The following FBXO25 variants were observed in gnomAD, a reference collection of about 807,000 sequenced individuals.
The protein encoded by FBXO25 is F-box protein 25, also known as F-box only protein 25.
Under a neutral mutation model 51.9 loss-of-function variants are expected in FBXO25, and 45 were observed. The ratio of observed to expected loss-of-function variants is 0.87; its 90% CI spans 0.68 to 1.11. The LOEUF (loss-of-function observed/expected upper bound fraction) is 1.11. FBXO25 is among the 50% of genes most tolerant of loss of function. The probability of loss-of-function intolerance (pLI) is 0.00; values close to 1 mark genes in which losing one functional copy is unlikely to be tolerated. For synonymous variants in FBXO25, 199 were observed against 151.0 expected (o/e 1.32, Z -2.33); for missense variants, 507 against 428.5 (o/e 1.18, Z -1.62).
At chr8:455,908 G>C (rs1488693695) in intron 7 of FBXO25, among the ~76,000 whole-genome samples, 1 of 152,214 alleles carries the variant, frequency 6.6e-6, no homozygotes, top group Non-Finnish European at 1.5e-5. Flanking sequence ...ACACCCTCTT[G>C]TTATAGCCAT....
At chr8:466,436 T>C (rs1363325846) in intron 9 of FBXO25, among the ~76,000 whole-genome samples, 1 of 152,238 alleles carries the variant, frequency 6.6e-6, no homozygotes, top group Non-Finnish European at 1.5e-5. Context: ...TAGCTGGTGC[T>C]CAGAAAATGG....
chr8:432,957 T>G, intron 4 of FBXO25, 22 bp downstream of exon 4: 5 of 1,535,144 alleles, frequency 3.3e-6, no homozygotes, highest in Non-Finnish European at 4.4e-6. Flanking sequence ...ATTATAAATA[T>G]GAGAGTATCT....
chr8:422,964 G>C (rs1797243548), intron 2 of FBXO25, among the ~76,000 whole-genome samples: 1 of 151,508 alleles, frequency 6.6e-6, no homozygotes, highest in African/African-American at 2.4e-5. Context: ...TGCCTCAGGA[G>C]AGAGAAGAGA....
rs913671081 is a variant in FBXO25 at position 463,025 on chromosome 8, C to T, written c.862C>T (p.Leu288Phe). 6 of 1,610,642 alleles carry T rather than the reference C, an allele frequency of 3.7e-6. No homozygotes were observed. The African/African-American group carries it at 8.0e-5, about 22-fold the overall frequency. Residue 288 changes from leucine to phenylalanine, a missense_variant, in exon 9 of 10, where the codon CTT (leucine) becomes TTT (phenylalanine). By Grantham distance (22) the Leu-to-Phe change is conservative. Coordinates refer to ENST00000350302, the MANE Select transcript of FBXO25 (RefSeq NM_183420.2). Reference sequence around the variant, plus strand: ...TGTTTAGTTTTGTAGACATTTGATCCTTTCAGAAAAAGGTCATATTGAATG... The same window carrying T: ...TGTTTAGTTTTGTAGACATTTGATCTTTTCAGAAAAAGGTCATATTGAATG... ...AEKQFCRHLI[L>F]SEKGHIEWKL...
chr8:463,108 C>G lies in FBXO25; in HGVS notation c.945C>G (p.Asp315Glu). 1.2e-6 allele frequency: 2 copies of G among 1,613,846 alleles called. No homozygotes were observed. Among genetic ancestry groups the G allele is most frequent in the Non-Finnish European group, 1.7e-6 (2 of 1,179,960 alleles). Residue 315 changes from aspartate (D) to glutamate (E), a missense_variant, in exon 9 of 10, where the codon GAC (aspartate) becomes GAG (glutamate). By Grantham distance (45) the Asp-to-Glu change is conservative. Coordinates refer to ENST00000350302, the MANE Select transcript of FBXO25 (RefSeq NM_183420.2). ...KHYPAKEQYG[D>E]TLHFCRHCSI... The stretch of plus-strand genomic sequence containing the variant: ...ACCCAGCGAAGGAGCAGTACGGAGA[C>G]ACACTGCATTTCTGTCGGCACTGCA...
intron 8 of FBXO25, among the ~76,000 whole-genome samples, chr8:460,481 T>A (rs1799739614): frequency 6.6e-6 from 1 of 152,186 alleles, no homozygotes; most frequent in East Asian, 1.9e-4. Context: ...AGAAATAGCT[T>A]TTATGAGAAA....
chr8:418,333 C>CTTTTTTTTTTTTTTTTTT (rs1207244013), intron 2 of FBXO25, among the ~76,000 whole-genome samples: 5 of 72,336 alleles, frequency 6.9e-5, no homozygotes, highest in African/African-American at 1.1e-4. Context: ...TTTGTTTGTT[C>CTTTTTTTTTTTTTTTTTT]TTTTTTTTTT....
chr8:456,644 A>T (rs1330214990), intron 7 of FBXO25, among the ~76,000 whole-genome samples: 1 of 152,232 alleles, frequency 6.6e-6, no homozygotes, highest in Non-Finnish European at 1.5e-5. Context: ...ACACTAGTGC[A>T]GTCCATGAAA....
Position 477,681 on chromosome 8 carries a change from C to T in FBXO25, c.*8877C>T, listed in dbSNP as rs1800684383. On this transcript the variant is annotated 3_prime_UTR_variant, in exon 10 of 10. Coordinates refer to ENST00000350302, the MANE Select transcript of FBXO25 (RefSeq NM_183420.2). ...TTCCAGCCATGGGGCTCTCTTGCCA[C>T]TTGGCAGTAGTGGCATGAAGCCGCC... 1 of 152,282 alleles carries T rather than the reference C, an allele frequency of 6.6e-6. No homozygotes were observed. The highest frequency in any genetic ancestry group is 2.4e-5 in the African/African-American group (1 of 41,460). The allele number at this position is 152,282 out of a possible 1,614,324, so 9.4% of individuals were successfully genotyped here. A position where few individuals can be genotyped will look rare whatever the true frequency, so the allele number is the denominator to read the frequency against.
At chr8:451,626 A>C (rs1293598461) in intron 7 of FBXO25, among the ~76,000 whole-genome samples, 173 bp downstream of exon 7, 1 of 152,246 alleles carries the variant, frequency 6.6e-6, no homozygotes, top group Admixed American at 6.5e-5. Context: ...CCAATGGCTT[A>C]TAGTTGCTAT....
intron 2 of FBXO25, among the ~76,000 whole-genome samples, chr8:417,622 C>T (rs1384760305): frequency 6.6e-6 from 1 of 152,224 alleles, no homozygotes; most frequent in Non-Finnish European, 1.5e-5. Context: ...AGCACAGTGT[C>T]ACAGGTCATG....
intron 2 of FBXO25, among the ~76,000 whole-genome samples, chr8:417,252 A>G (rs1376252335): frequency 6.6e-6 from 1 of 152,206 alleles, no homozygotes; most frequent in African/African-American, 2.4e-5. Flanking sequence ...GTTTGAGTAG[A>G]AGAGTGATTT....
rs1800666719 is a variant in FBXO25 at position 477,022 on chromosome 8, T to C, written c.*8218T>C. 1 of 152,252 alleles carries C rather than the reference T, an allele frequency of 6.6e-6. No homozygotes were observed. Among genetic ancestry groups the C allele is most frequent in the South Asian group, 2.1e-4 (1 of 4,836 alleles). The allele number at this position is 152,252 out of a possible 1,614,324, so 9.4% of individuals were successfully genotyped here. ...TCATTTACCACAAGATATTTTCTAA[T>C]TTCCCTTGTGAGTTCCCCATTAATC... On this transcript the variant is annotated 3_prime_UTR_variant, in exon 10 of 10. Transcript: ENST00000350302.
In FBXO25 at chr8:472,251, T is replaced by C. The variant is rs1800507810; in HGVS notation, c.*3447T>C. Reference sequence around the variant, plus strand: ...GGGGAGGTTCCCTTCTATTCCTAGTTTGTTTTTATCGTGAAAGGGTGTGGA... The same window carrying C: ...GGGGAGGTTCCCTTCTATTCCTAGTCTGTTTTTATCGTGAAAGGGTGTGGA... On this transcript the variant is annotated 3_prime_UTR_variant, in exon 10 of 10. Transcript: ENST00000350302. The C allele has an allele frequency of 1.3e-5, 2 of 152,206 alleles. No individual in the cohort carries two copies. Among genetic ancestry groups the C allele is most frequent in the African/African-American group, 4.8e-5 (2 of 41,452 alleles). The allele number at this position is 152,206 out of a possible 1,614,324, so 9.4% of individuals were successfully genotyped here.
chr8:448,238 A>AGT (rs1026673136), intron 5 of FBXO25, among the ~76,000 whole-genome samples: 1 of 152,160 alleles, frequency 6.6e-6, no homozygotes, highest in Non-Finnish European at 1.5e-5. Flanking sequence ...AATAGATGGA[A>AGT]GTGTACATTG....
Position 472,082 on chromosome 8 carries a change from T to A in FBXO25, c.*3278T>A, listed in dbSNP as rs1406214429. On this transcript the variant is annotated 3_prime_UTR_variant, in exon 10 of 10. Coordinates refer to ENST00000350302, the MANE Select transcript of FBXO25 (RefSeq NM_183420.2). Reference sequence around the variant, plus strand: ...TTTATTCTTTCTTACCCCGTTTCGCTGGCTAGAATCTCTAGTACAATGTTG... The same window carrying A: ...TTTATTCTTTCTTACCCCGTTTCGCAGGCTAGAATCTCTAGTACAATGTTG... 6.6e-6 allele frequency: 1 copy of A among 152,210 alleles called. No individual in the cohort carries two copies. The highest frequency in any genetic ancestry group is 2.4e-5 in the African/African-American group (1 of 41,446). The allele number at this position is 152,210 out of a possible 1,614,324, so 9.4% of individuals were successfully genotyped here. A position where few individuals can be genotyped will look rare whatever the true frequency, so the allele number is the denominator to read the frequency against.
intron 1 of FBXO25, among the ~76,000 whole-genome samples, chr8:408,241 T>A (rs960491734): frequency 2.0e-5 from 3 of 152,184 alleles, no homozygotes; most frequent in African/African-American, 7.2e-5. Context: ...GAGTTTTCTT[T>A]CCTGTGTTGT....
chr8:407,563 C>G (rs888329825), intron 1 of FBXO25: 6 of 529,048 alleles, frequency 1.1e-5, no homozygotes, highest in Non-Finnish European at 1.5e-5. Context: ...CGCCCCCACC[C>G]TCCTGGGCCG....
At chr8:438,331 T>C (rs973513867) in intron 5 of FBXO25, among the ~76,000 whole-genome samples, 1 of 152,246 alleles carries the variant, frequency 6.6e-6, no homozygotes, top group African/African-American at 2.4e-5. Flanking sequence ...AGTGCTAGGA[T>C]TACAGGTGTG....
Sources: gnomAD v4.1 joint callset for allele counts (sites outside exome capture counted in the v4.1 genomes callset) on GRCh38, gnomAD v4.1.1 for gene constraint, MANE v1.5 for transcripts, NCBI Gene and HGNC (gene_info 2026-07-23, HGNC 2026-07-21) for gene names.